The following CSMD2 variants were observed in gnomAD, a reference collection of about 807,000 sequenced individuals.
CSMD2 encodes the protein CUB and Sushi multiple domains 2, also known as CUB and sushi domain-containing protein 2.
CSMD2 carries 130 observed loss-of-function variants against 398.5 expected under a neutral mutation model. The observed-to-expected ratio is 0.33, with a 90% CI of 0.28 to 0.38. The LOEUF is 0.38. CSMD2 is among the 10% of genes least tolerant of loss of function. The pLI is 1.00. For synonymous variants in CSMD2, 1,828 were observed against 1,908.5 expected (o/e 0.96, Z 1.10); for missense variants, 3,829 against 4,764.9 (o/e 0.80, Z 5.78).
chr1:34,006,192 G>A (rs893437424), intron 3 of CSMD2, among the ~76,000 whole-genome samples: 4 of 152,134 alleles, frequency 2.6e-5, no homozygotes, highest in Admixed American at 2.6e-4. Flanking sequence ...ACAAAGCCAA[G>A]GTGCCTCAGT....
intron 15 of CSMD2, among the ~76,000 whole-genome samples, chr1:33,735,351 G>A (rs1290882540): frequency 6.6e-6 from 1 of 152,158 alleles, no homozygotes. Flanking sequence ...TATCCTAGTG[G>A]GGTATGATTA....
chr1:34,007,527 A>G (rs1473730748), intron 3 of CSMD2, among the ~76,000 whole-genome samples: 1 of 152,236 alleles, frequency 6.6e-6, no homozygotes, highest in East Asian at 1.9e-4. Flanking sequence ...ACTGATAAGA[A>G]CATAAATCTC....
rs143919501 is a variant in CSMD2 at position 33,710,831 on chromosome 1, C to A, written c.3407-1573G>T. 5.7e-4 allele frequency among the ~76,000 whole-genome samples: 87 copies of A among 152,270 alleles called. No individual in the cohort carries two copies. The South Asian group carries it at 6.0e-3, about 11-fold the overall frequency. On this transcript the variant is annotated intron_variant, in intron 21 of 70. Coordinates refer to ENST00000373381, the MANE Select transcript of CSMD2 (RefSeq NM_001281956.2). ...TTGTGTTTTATCTTGTCCTAAGGCT[C>A]CTCATTAGTCCTTTGAAGATGGGGG...
chr1:34,110,782 A>G (rs1475889464), intron 1 of CSMD2, among the ~76,000 whole-genome samples: 1 of 152,206 alleles, frequency 6.6e-6, no homozygotes, highest in East Asian at 1.9e-4. Context: ...TCCAAAAAAT[A>G]ACTATTAGGT....
chr1:34,127,037 G>C (rs2148486070), intron 1 of CSMD2, among the ~76,000 whole-genome samples: 1 of 152,280 alleles, frequency 6.6e-6, no homozygotes, highest in South Asian at 2.1e-4. Flanking sequence ...AAAAGAAACA[G>C]AGAGACGGAA....
chr1:33,632,672 G>A (rs952794305), intron 32 of CSMD2, among the ~76,000 whole-genome samples: 1 of 151,996 alleles, frequency 6.6e-6, no homozygotes, highest in Non-Finnish European at 1.5e-5. Context: ...TCTTTCTAGA[G>A]GGATATTTGA....
At chr1:33,547,768 G>A (rs1280476664) in intron 56 of CSMD2, among the ~76,000 whole-genome samples, 2 of 152,166 alleles carry the variant, frequency 1.3e-5, no homozygotes, top group African/African-American at 2.4e-5. Context: ...GGCAGAACTG[G>A]GTCTCCCTGG....
Position 33,788,489 on chromosome 1 carries a change from C to G in CSMD2, c.1663+111G>C, listed in dbSNP as rs1367105865. On this transcript the variant is annotated intron_variant, in intron 12 of 70. Transcript: ENST00000373381. ...TGCCACGGCACTCCAGCCTGGGCAA[C>G]AGAGTGAGACTCCGTCTCAAAAAAA... 5 of 620,760 alleles carry G rather than the reference C, an allele frequency of 8.1e-6. No homozygotes were observed. In the African/African-American group the frequency reaches 1.1e-4, roughly 13 times the overall value. The allele number at this position is 620,760 out of a possible 1,614,324, so 38.5% of individuals were successfully genotyped here. A position where few individuals can be genotyped will look rare whatever the true frequency, so the allele number is the denominator to read the frequency against.
intron 2 of CSMD2, among the ~76,000 whole-genome samples, chr1:34,076,928 A>AAAAATATATATATAT (rs1232288848): frequency 1.9e-5 from 1 of 53,600 alleles, no homozygotes; most frequent in Non-Finnish European, 3.2e-5. Flanking sequence ...AAAAAAAAAA[A>AAAAATATATATATAT]ATATATATAT....
chr1:33,559,239 C>A lies in CSMD2; in HGVS notation c.8554+61G>T. ...GAATTCACTGGCTTCTTTTTCTGAG[C>A]TACAGAACCACATATAGCAGAGATG... On this transcript the variant is annotated intron_variant, in intron 54 of 70. Coordinates refer to ENST00000373381, the MANE Select transcript of CSMD2 (RefSeq NM_001281956.2). The surrounding 1 kb of genome is among the most constrained non-coding windows in gnomAD (Gnocchi z 4.0). 1 of 1,445,938 alleles carries A rather than the reference C, an allele frequency of 6.9e-7. No homozygotes were observed. The allele number at this position is 1,445,938 out of a possible 1,614,324, so 89.6% of individuals were successfully genotyped here.
intron 1 of CSMD2, among the ~76,000 whole-genome samples, chr1:34,131,458 G>C (rs1421273484): frequency 2.0e-5 from 3 of 152,170 alleles, no homozygotes; most frequent in Admixed American, 6.5e-5. Context: ...CTCTCTAGGA[G>C]AGTGTGTAGA....
In CSMD2 at chr1:34,086,598, T is replaced by A. The variant is rs74068014; in HGVS notation, c.404+2379A>T. On this transcript the variant is annotated intron_variant, in intron 2 of 70. Transcript: ENST00000373381. Reference sequence around the variant, plus strand: ...CCTTTCTCCCATAGCCCACACCCAATGCAACAACAAATCCTGTCCACTCTG... The same window carrying A: ...CCTTTCTCCCATAGCCCACACCCAAAGCAACAACAAATCCTGTCCACTCTG... 1.0e-2 allele frequency among the ~76,000 whole-genome samples: 1,518 copies of A among 152,206 alleles called. 22 individuals carry two copies. Among genetic ancestry groups the A allele is most frequent in the African/African-American group, 0.033 (1,379 of 41,508 alleles).
chr1:34,147,472 T>C (rs982156035), intron 1 of CSMD2, among the ~76,000 whole-genome samples: 1 of 151,270 alleles, frequency 6.6e-6, no homozygotes, highest in Non-Finnish European at 1.5e-5. Flanking sequence ...CCGGCAGAGA[T>C]GCTTGGATTT....
chr1:33,820,570 A>C lies in CSMD2; in HGVS notation c.1112-14T>G. Reference sequence around the variant, plus strand: ...CAACCTGAGTTACTACAAGGCAAAAAAAAAAAAAAAAAAAAAAACAGCACA... The same window carrying C: ...CAACCTGAGTTACTACAAGGCAAAACAAAAAAAAAAAAAAAAAACAGCACA... On this transcript the variant is annotated splice_polypyrimidine_tract_variant and intron_variant, in intron 7 of 70. Transcript: ENST00000373381. The C allele has an allele frequency of 1.1e-6, 1 of 945,730 alleles. No homozygotes were observed. 58.6% of individuals were successfully genotyped at this position (945,730 alleles called of 1,614,324 possible). A position where few individuals can be genotyped will look rare whatever the true frequency, so the allele number is the denominator to read the frequency against.
chr1:34,107,636 G>A (rs1342775637), intron 1 of CSMD2, among the ~76,000 whole-genome samples: 1 of 152,192 alleles, frequency 6.6e-6, no homozygotes, highest in Admixed American at 6.5e-5. Flanking sequence ...GGATAGGTGG[G>A]TGGGTGGATG....
intron 3 of CSMD2, among the ~76,000 whole-genome samples, chr1:33,998,695 T>C (rs1256570704): frequency 6.6e-6 from 1 of 152,200 alleles, no homozygotes; most frequent in Non-Finnish European, 1.5e-5. Context: ...GAGGACCAGC[T>C]ACGTAATCAG....
chr1:33,772,698 C>T lies in CSMD2; in HGVS notation c.1717G>A (p.Glu573Lys). The T allele has an allele frequency of 1.2e-6, 2 of 1,614,148 alleles. No homozygotes were observed. The highest frequency in any genetic ancestry group is 2.2e-5 in the East Asian group (1 of 44,874). ...DPGIPAYGRR[E>K]GSRFHHGDTL... Reference sequence around the variant, plus strand: ...TCACCGTGGTGAAACCGGGAGCCTTCCCTCCGGCCATATGCAGGTATGCCA... The same window carrying T: ...TCACCGTGGTGAAACCGGGAGCCTTTCCTCCGGCCATATGCAGGTATGCCA... The change falls in exon 13 of 71, where the codon GAA (glutamate) becomes AAA (lysine). Residue 573 changes from glutamate to lysine, a missense_variant. By Grantham distance (56) the Glu-to-Lys change is moderately conservative. This residue lies in a region of CSMD2 where 2,001 missense variants were observed against 2,567.1 expected (regional missense o/e 0.78). Coordinates refer to ENST00000373381, the MANE Select transcript of CSMD2 (RefSeq NM_001281956.2).
intron 2 of CSMD2, among the ~76,000 whole-genome samples, chr1:34,045,648 T>C (rs1372541294): frequency 6.6e-6 from 1 of 152,168 alleles, no homozygotes; most frequent in Non-Finnish European, 1.5e-5. Flanking sequence ...TACAGTACAC[T>C]TTCTAGGATG....
intron 42 of CSMD2, among the ~76,000 whole-genome samples, chr1:33,604,682 G>A (rs1640464447): frequency 6.6e-6 from 1 of 152,208 alleles, no homozygotes; most frequent in African/African-American, 2.4e-5. Context: ...GAACTGAAGT[G>A]TGCAGATGAG....
Sources: gnomAD v4.1 joint callset for allele counts (sites outside exome capture counted in the v4.1 genomes callset) on GRCh38, gnomAD v4.1.1 for gene constraint, gnomAD v4.1.1 regional missense constraint, Gnocchi (gnomAD v3.1) non-coding constraint, MANE v1.5 for transcripts, NCBI Gene and HGNC (gene_info 2026-07-23, HGNC 2026-07-21) for gene names.